DLGAP2: variants seen among roughly 807,000 people sequenced by gnomAD.
DLGAP2 encodes disks large-associated protein 2.
Under a neutral mutation model 100.3 loss-of-function variants are expected in DLGAP2, and 26 were observed. The ratio of observed to expected loss-of-function variants is 0.26; its 90% confidence interval spans 0.19 to 0.36. The LOEUF (loss-of-function observed/expected upper bound fraction) is 0.36, where lower values mean the gene tolerates loss of function less well. Ranked by LOEUF, DLGAP2 falls within the 10% of genes least tolerant of loss-of-function variation. The pLI is 1.00. For synonymous variants in DLGAP2, 886 were observed against 630.1 expected (o/e 1.41, Z -6.08); for missense variants, 1,858 against 1,453.2 (o/e 1.28, Z -4.53).
intron 1 of DLGAP2, among the ~76,000 whole-genome samples, chr8:905,891 C>T (rs770825021): frequency 1.3e-5 from 2 of 151,806 alleles, no homozygotes; most frequent in Admixed American, 6.6e-5. Context: ...CGCCACTGCA[C>T]GTGATAGAGA....
At chr8:894,286 G>A (rs910878623) in intron 1 of DLGAP2, among the ~76,000 whole-genome samples, 3 of 152,118 alleles carry the variant, frequency 2.0e-5, no homozygotes, top group Non-Finnish European at 4.4e-5. Context: ...CAGCACGGTC[G>A]AGACATCTCT....
At chr8:1,307,141 TC>T (rs1360529823) in intron 3 of DLGAP2, among the ~76,000 whole-genome samples, 2 of 148,114 alleles carry the variant, frequency 1.4e-5, no homozygotes, top group Non-Finnish European at 3.0e-5. Context: ...AAATCATATA[TC>T]AATCTGAAAA....
chr8:752,874 T>G (rs2132576258), intron 1 of DLGAP2, among the ~76,000 whole-genome samples: 1 of 152,254 alleles, frequency 6.6e-6, no homozygotes, highest in Middle Eastern at 3.4e-3. Flanking sequence ...AGGCGACCTC[T>G]GGGGTCCTCA....
At chr8:1,009,525 G>A (rs939145042) in intron 2 of DLGAP2, among the ~76,000 whole-genome samples, 2 of 152,176 alleles carry the variant, frequency 1.3e-5, no homozygotes, top group Non-Finnish European at 2.9e-5. Flanking sequence ...AAATTCAAAT[G>A]TGGGAATTAG....
intron 3 of DLGAP2, among the ~76,000 whole-genome samples, chr8:1,336,367 T>G (rs1211916599): frequency 1.3e-5 from 2 of 152,098 alleles, no homozygotes; most frequent in African/African-American, 4.8e-5. Context: ...AGGAAAGAGC[T>G]GGAGGAAAAG....
At chr8:1,357,717 G>T (rs538814344) in intron 3 of DLGAP2, among the ~76,000 whole-genome samples, 1 of 152,154 alleles carries the variant, frequency 6.6e-6, no homozygotes, top group African/African-American at 2.4e-5. Context: ...GCTGCGATAC[G>T]CAGCACCACA....
At chr8:1,572,180 A>C (rs1351655305) in intron 6 of DLGAP2, among the ~76,000 whole-genome samples, 2 of 93,006 alleles carry the variant, frequency 2.2e-5, no homozygotes, top group Non-Finnish European at 2.0e-5. Flanking sequence ...GGGGTGTCTG[A>C]TGAGATGGAG....
chr8:1,300,432 C>T (rs1024230011), intron 3 of DLGAP2: 2 of 152,228 alleles, frequency 1.3e-5, no homozygotes, highest in Non-Finnish European at 2.9e-5. Flanking sequence ...TCCCCAGATG[C>T]ATAACAGGAG....
intron 2 of DLGAP2, among the ~76,000 whole-genome samples, chr8:930,453 C>G (rs1038602668): frequency 2.0e-5 from 3 of 152,228 alleles, no homozygotes; most frequent in African/African-American, 7.2e-5. Context: ...TGTAACAACA[C>G]TGCATCAGAA....
chr8:1,479,424 C>T (rs940292169), intron 3 of DLGAP2, among the ~76,000 whole-genome samples: 1 of 152,190 alleles, frequency 6.6e-6, no homozygotes, highest in Non-Finnish European at 1.5e-5. Context: ...GCAGGATTTA[C>T]TGCCAAGGTG....
chr8:1,193,328 G>C (rs546525988), intron 2 of DLGAP2, among the ~76,000 whole-genome samples: 1 of 152,282 alleles, frequency 6.6e-6, no homozygotes, highest in Admixed American at 6.5e-5. Flanking sequence ...ATCCTCTCCA[G>C]CACCTGTTGT....
intron 1 of DLGAP2, among the ~76,000 whole-genome samples, chr8:863,813 T>C (rs1397519953): frequency 6.6e-6 from 1 of 152,126 alleles, no homozygotes; most frequent in Non-Finnish European, 1.5e-5. Context: ...GAAAACAGTG[T>C]GGAGGTTTCT....
intron 6 of DLGAP2, among the ~76,000 whole-genome samples, chr8:1,606,240 C>T (rs1796794747): frequency 6.6e-6 from 1 of 152,150 alleles, no homozygotes; most frequent in Non-Finnish European, 1.5e-5. Context: ...CTCTTCGTAT[C>T]TTATTTTCCT....
At chr8:1,238,385 A>ACATGGCGCCGTGTCTAG (rs1798711170) in intron 2 of DLGAP2, among the ~76,000 whole-genome samples, 1 of 23,622 alleles carries the variant, frequency 4.2e-5, no homozygotes, top group Non-Finnish European at 7.5e-5. Context: ...GCCGTGTCTA[A>ACATGGCGCCGTGTCTAG]TTCTCTCACA....
chr8:1,454,336 G>GTT (rs1425717774), intron 3 of DLGAP2, among the ~76,000 whole-genome samples: 1 of 151,882 alleles, frequency 6.6e-6, no homozygotes, highest in Non-Finnish European at 1.5e-5. Context: ...ACACAGTGAG[G>GTT]TTTTTCTTCC....
chr8:1,470,619 T>C (rs1264172729), intron 3 of DLGAP2, among the ~76,000 whole-genome samples: 2 of 152,128 alleles, frequency 1.3e-5, no homozygotes, highest in Non-Finnish European at 2.9e-5. Flanking sequence ...ACTGAATAAA[T>C]AGTTTAACAG....
At chr8:1,488,001 C>A (rs868331115) in intron 3 of DLGAP2, among the ~76,000 whole-genome samples, 1 of 149,440 alleles carries the variant, frequency 6.7e-6, no homozygotes, top group South Asian at 2.2e-4. Context: ...TTGAAATGAT[C>A]GCTTTGAAAG....
intron 3 of DLGAP2, among the ~76,000 whole-genome samples, chr8:1,338,349 A>C (rs1020742260): frequency 6.6e-6 from 1 of 152,210 alleles, no homozygotes; most frequent in African/African-American, 2.4e-5. Context: ...CCCACACCAC[A>C]TACAGATGCA....
At chr8:817,822 A>G (rs1034575235) in intron 1 of DLGAP2, among the ~76,000 whole-genome samples, 1 of 152,120 alleles carries the variant, frequency 6.6e-6, no homozygotes, top group African/African-American at 2.4e-5. Flanking sequence ...TTTTTGTCTT[A>G]AAGTCTTGCA....
Sources: allele counts gnomAD v4.1 joint callset (sites outside exome capture counted in the v4.1 genomes callset), GRCh38; gene constraint gnomAD v4.1.1; transcripts MANE v1.5; gene names NCBI Gene and HGNC (gene_info 2026-07-23, HGNC 2026-07-21).